Variants in TAF13 observed in about 807,000 individuals in gnomAD.
TAF13 encodes transcription initiation factor TFIID subunit 13.
TAF13 carries 9 observed loss-of-function variants against 18.7 expected under a neutral mutation model. That is an observed-to-expected ratio of 0.48 (90% CI 0.29 to 0.84). TAF13 has a LOEUF of 0.84. TAF13 is among the 40% of genes least tolerant of loss of function. TAF13 has a pLI of 0.08. For missense variants in TAF13, 105 were observed against 146.5 expected (o/e 0.72, Z 1.46); for synonymous variants, 49 against 44.1 (o/e 1.11, Z -0.44).
chr1:109,074,398 A>G (rs1164228199), intron 2 of TAF13, among the ~76,000 whole-genome samples: 1 of 152,072 alleles, frequency 6.6e-6, no homozygotes, highest in Non-Finnish European at 1.5e-5. Flanking sequence ...AAGAGTCATC[A>G]CCACTCCCTA....
intron 2 of TAF13, among the ~76,000 whole-genome samples, chr1:109,067,436 T>TG (rs1663969517): frequency 7.6e-6 from 1 of 130,932 alleles, no homozygotes; most frequent in East Asian, 2.2e-4. Context: ...CTGTTTCTAC[T>TG]AAAAAAAAAA....
chr1:109,075,973 T>C lies in TAF13; in HGVS notation c.-26A>G, dbSNP rs1275058057. 7.4e-6 allele frequency: 12 copies of C among 1,614,054 alleles called. No homozygotes were observed. Among genetic ancestry groups the C allele is most frequent in the South Asian group, 1.1e-5 (1 of 91,094 alleles). On this transcript the variant is annotated 5_prime_UTR_variant, in exon 1 of 4. Transcript: ENST00000338366. ...CCCACTAGCACGCCAACTCACAGCG[T>C]CCTGCCGGCTGGCTCCCAGCTGGTT...
chr1:109,066,053 C>T (rs1663945998), intron 3 of TAF13, 82 bp downstream of exon 3: 3 of 1,129,152 alleles, frequency 2.7e-6, no homozygotes, highest in Non-Finnish European at 3.9e-6. Flanking sequence ...CAAAGGGATG[C>T]CATAAGTTCT....
intron 2 of TAF13, among the ~76,000 whole-genome samples, chr1:109,073,061 C>A (rs1039305118): frequency 6.6e-6 from 1 of 151,680 alleles, no homozygotes; most frequent in Non-Finnish European, 1.5e-5. Context: ...TTGTTCAGGG[C>A]CTTAGTCCAA....
At chr1:109,070,493 A>G (rs1465357750) in intron 2 of TAF13, among the ~76,000 whole-genome samples, 1 of 152,208 alleles carries the variant, frequency 6.6e-6, no homozygotes, top group Non-Finnish European at 1.5e-5. Context: ...CTGGGATTAT[A>G]GGCATGAGCC....
chr1:109,066,335 G>A (rs1317587243), intron 2 of TAF13, 103 bp from the exon 3 acceptor site: 2 of 845,788 alleles, frequency 2.4e-6, no homozygotes, highest in Non-Finnish European at 3.7e-6. Context: ...GATAATATTG[G>A]TATGAAAACA....
chr1:109,073,861 C>T (rs927614228), intron 2 of TAF13, among the ~76,000 whole-genome samples: 7 of 152,036 alleles, frequency 4.6e-5, no homozygotes, highest in Non-Finnish European at 1.0e-4. Flanking sequence ...TCTGCCCGGC[C>T]GCCCCGTCTG....
chr1:109,068,866 G>A (rs530550787), intron 2 of TAF13, among the ~76,000 whole-genome samples: 3 of 152,176 alleles, frequency 2.0e-5, no homozygotes, highest in Non-Finnish European at 4.4e-5. Context: ...GGGGGGCGTG[G>A]TGGCACGCAC....
At chr1:109,065,876 G>A (rs1330777773) in intron 3 of TAF13, among the ~76,000 whole-genome samples, 4 of 150,376 alleles carry the variant, frequency 2.7e-5, no homozygotes, top group East Asian at 3.9e-4. Context: ...AGCCAAGATC[G>A]TGCCATTGCA....
Position 109,075,077 on chromosome 1 carries a change from A to G in TAF13, c.28-12T>C. On this transcript the variant is annotated splice_polypyrimidine_tract_variant and intron_variant, in intron 1 of 3. Transcript: ENST00000338366. The stretch of plus-strand genomic sequence containing the variant: ...TTTTCTTCCTCAAACTAGAAGTTAA[A>G]ATGTATATATAGAAATGTCAAATAA... 6.3e-7 allele frequency: 1 copy of G among 1,591,682 alleles called. No individual in the cohort carries two copies. Among genetic ancestry groups the G allele is most frequent in the Non-Finnish European group, 8.6e-7 (1 of 1,167,752 alleles).
In TAF13 at chr1:109,071,973, T is replaced by A. The variant is rs1335944031; in HGVS notation, c.106+3014A>T. Among the ~76,000 whole-genome samples, 37 of 3,892 alleles carry A rather than the reference T, an allele frequency of 9.5e-3. 2 individuals are homozygous for A. Among genetic ancestry groups the A allele is most frequent in the Middle Eastern group, 0.17 (1 of 6 alleles). 2.6% of individuals were successfully genotyped at this position (3,892 alleles called of 152,430 possible). On this transcript the variant is annotated intron_variant, in intron 2 of 3. Coordinates refer to ENST00000338366, the MANE Select transcript of TAF13 (RefSeq NM_005645.4). ...CAAAAAGAAAATATATATATATATA[T>A]ATACACACATATATATATATATATA... is the stretch of plus-strand genomic sequence containing the variant.
At chr1:109,070,845 C>G (rs141711872) in intron 2 of TAF13, among the ~76,000 whole-genome samples, 1 of 152,208 alleles carries the variant, frequency 6.6e-6, no homozygotes, top group East Asian at 1.9e-4. Context: ...TGCTAACAAC[C>G]GACTGAACAT....
intron 2 of TAF13, among the ~76,000 whole-genome samples, chr1:109,071,581 G>A (rs979681495): frequency 6.6e-6 from 1 of 151,922 alleles, no homozygotes; most frequent in Non-Finnish European, 1.5e-5. Context: ...CTGTACTCCA[G>A]CCCCAGTGAC....
rs527956638 is a variant in TAF13 at position 109,075,955 on chromosome 1, G to A, written c.-8C>T. ...TTCTTCCTCATCTGCCATCCCACTA[G>A]CACGCCAACTCACAGCGTCCTGCCG... On this transcript the variant is annotated 5_prime_UTR_variant, in exon 1 of 4. Transcript: ENST00000338366. 5.0e-6 allele frequency: 8 copies of A among 1,614,184 alleles called. No homozygotes were observed. The highest frequency in any genetic ancestry group is 6.8e-6 in the Non-Finnish European group (8 of 1,180,038).
intron 1 of TAF13, among the ~76,000 whole-genome samples, chr1:109,075,312 A>G (rs1664161449): frequency 6.6e-6 from 1 of 152,174 alleles, no homozygotes; most frequent in African/African-American, 2.4e-5. Context: ...AAGAGTTCCA[A>G]TGACCATAAG....
intron 2 of TAF13, among the ~76,000 whole-genome samples, chr1:109,069,683 AG>A (rs1664017662): frequency 6.6e-6 from 1 of 152,128 alleles, no homozygotes; most frequent in Non-Finnish European, 1.5e-5. Context: ...GGAAGAAATG[AG>A]TAAATTAAGA....
At position 109,065,201 on chromosome 1, in the gene TAF13, C is replaced by T. The variant is rs189776238; in HGVS notation, c.205-508G>A. 5.3e-5 allele frequency among the ~76,000 whole-genome samples: 8 copies of T among 152,212 alleles called. No homozygotes were observed. In the East Asian group the frequency reaches 1.5e-3, roughly 29 times the overall value. ...AATAGAAGCTAAATACTTAATAATACGGCATTGAGCCAGACACAGTGGCTC... is the reference window on the plus strand; with the variant it reads ...AATAGAAGCTAAATACTTAATAATATGGCATTGAGCCAGACACAGTGGCTC... On this transcript the variant is annotated intron_variant, in intron 3 of 3. Transcript: ENST00000338366.
At chr1:109,074,722 G>A (rs1000717767) in intron 2 of TAF13, among the ~76,000 whole-genome samples, 2 of 151,956 alleles carry the variant, frequency 1.3e-5, no homozygotes, top group Non-Finnish European at 2.9e-5. Context: ...GGAGCTTGCA[G>A]TGAGCAGAGA....
At chr1:109,074,087 T>C (rs1366136328) in intron 2 of TAF13, among the ~76,000 whole-genome samples, 3 of 152,294 alleles carry the variant, frequency 2.0e-5, no homozygotes, top group East Asian at 1.9e-4. Context: ...TACCCAACAG[T>C]TCATTGAGAA....
Sources: allele counts gnomAD v4.1 joint callset (sites outside exome capture counted in the v4.1 genomes callset), GRCh38; gene constraint gnomAD v4.1.1; transcripts MANE v1.5; gene names NCBI Gene and HGNC (gene_info 2026-07-23, HGNC 2026-07-21).